Variants in IKZF2 observed in about 807,000 individuals in gnomAD.
IKZF2 encodes the protein zinc finger protein Helios.
In IKZF2, 15 loss-of-function variants were observed where a neutral mutation model predicts 49.2. The ratio of observed to expected loss-of-function variants is 0.30; its 90% CI spans 0.20 to 0.47. The LOEUF (loss-of-function observed/expected upper bound fraction) is 0.47. Ranked by LOEUF, IKZF2 falls within the 20% of genes least tolerant of loss-of-function variation. The pLI is 1.00. For synonymous variants in IKZF2, 227 were observed against 221.4 expected (o/e 1.03, Z -0.23); for missense variants, 567 against 664.6 (o/e 0.85, Z 1.61).
intron 4 of IKZF2, among the ~76,000 whole-genome samples, chr2:213,108,970 T>C (rs181696787): frequency 6.6e-6 from 1 of 152,188 alleles, no homozygotes; most frequent in Non-Finnish European, 1.5e-5. Flanking sequence ...ATATTTGAGA[T>C]CCTACTATAT....
chr2:213,064,472 T>C (rs544279927), intron 4 of IKZF2, among the ~76,000 whole-genome samples: 6 of 152,166 alleles, frequency 3.9e-5, no homozygotes, highest in African/African-American at 1.4e-4. Flanking sequence ...CTGATGATCC[T>C]GCACACTCCA....
chr2:213,012,391 G>C (rs1696060962), intron 8 of IKZF2, among the ~76,000 whole-genome samples: 1 of 151,688 alleles, frequency 6.6e-6, no homozygotes, highest in African/African-American at 2.4e-5. Flanking sequence ...AAGACAGAAA[G>C]AATAATAATA....
intron 4 of IKZF2, among the ~76,000 whole-genome samples, chr2:213,133,703 A>AAAATAAAT (rs145388709): frequency 0.28 from 41,042 of 145,166 alleles, 6,931 homozygotes; most frequent in Non-Finnish European, 0.38. Context: ...CCGTCTCGAA[A>AAAATAAAT]AAATAAATAA....
In IKZF2 at chr2:213,003,761, T is replaced by C. The variant is rs1021135101; in HGVS notation, c.*3599A>G. On this transcript the variant is annotated 3_prime_UTR_variant, in exon 9 of 9. Transcript: ENST00000434687. ...GGTTTTGTGAGTTGTACAACTGAGA[T>C]AAAAACTATAAAAACAAAATACCGG... The C allele has an allele frequency of 4.0e-5, 6 of 151,770 alleles. No individual in the cohort carries two copies. Among genetic ancestry groups the C allele is most frequent in the Admixed American group, 2.6e-4 (4 of 15,182 alleles). 9.4% of individuals were successfully genotyped at this position (151,770 alleles called of 1,614,324 possible). A position where few individuals can be genotyped will look rare whatever the true frequency, so the allele number is the denominator to read the frequency against.
At chr2:213,036,442 T>C (rs1182615914) in intron 6 of IKZF2, among the ~76,000 whole-genome samples, 2 of 152,280 alleles carry the variant, frequency 1.3e-5, no homozygotes, top group South Asian at 2.1e-4. Flanking sequence ...CTAATACTTA[T>C]CATGTACTAG....
intron 6 of IKZF2, among the ~76,000 whole-genome samples, chr2:213,031,518 G>C (rs1431654751): frequency 1.3e-5 from 2 of 152,146 alleles, no homozygotes; most frequent in South Asian, 4.1e-4. Context: ...ATTCAAACAA[G>C]AAAATGTCTT....
At chr2:213,090,372 TTA>T (rs1229290126) in intron 4 of IKZF2, among the ~76,000 whole-genome samples, 1 of 152,146 alleles carries the variant, frequency 6.6e-6, no homozygotes, top group Non-Finnish European at 1.5e-5. Context: ...GGTTCTGCCT[TTA>T]GGTTAAGTCC....
rs552356216 is a variant in IKZF2, at chr2:213,095,764, C to G, written c.140-38665G>C. The stretch of plus-strand genomic sequence containing the variant: ...CTAAGAAGCACACTTCACTATTTCA[C>G]TAGAACTAAAGAAAAATAAGTTATT... On this transcript the variant is annotated intron_variant, in intron 4 of 8. Coordinates refer to ENST00000434687, the MANE Select transcript of IKZF2 (RefSeq NM_001387220.1). Among the ~76,000 whole-genome samples the G allele has an allele frequency of 4.6e-5, 7 of 152,074 alleles. No homozygotes were observed. The South Asian group carries it at 1.5e-3, about 32-fold the overall frequency.
At chr2:213,055,561 C>T (rs1327098888) in intron 5 of IKZF2, among the ~76,000 whole-genome samples, 1 of 151,948 alleles carries the variant, frequency 6.6e-6, no homozygotes, top group Non-Finnish European at 1.5e-5. Flanking sequence ...TAATGTATAA[C>T]TTCTCACTGT....
intron 4 of IKZF2, among the ~76,000 whole-genome samples, chr2:213,111,364 G>A (rs139092982): frequency 2.0e-5 from 3 of 151,914 alleles, no homozygotes; most frequent in Non-Finnish European, 2.9e-5. Flanking sequence ...TTTTAAGTAC[G>A]CTTCTGCATG....
At chr2:213,102,415 G>C (rs766294558) in intron 4 of IKZF2, among the ~76,000 whole-genome samples, 33 of 152,230 alleles carry the variant, frequency 2.2e-4, no homozygotes, top group Non-Finnish European at 3.7e-4. Context: ...TACCATACAG[G>C]ACTTGTCCAT....
intron 7 of IKZF2, 131 bp downstream of exon 7, chr2:213,021,862 G>A: frequency 1.1e-6 from 1 of 920,094 alleles, no homozygotes; most frequent in East Asian, 2.7e-5. Flanking sequence ...TATTTGCAAT[G>A]TATCCCAAAG....
At chr2:213,021,683 G>T in intron 7 of IKZF2, 1 of 462,892 alleles carries the variant, frequency 2.2e-6, no homozygotes, top group South Asian at 1.7e-5. Flanking sequence ...CATTCTTTTA[G>T]GCAGCCTACA....
intron 4 of IKZF2, among the ~76,000 whole-genome samples, chr2:213,068,470 G>A (rs1437005912): frequency 1.3e-5 from 2 of 152,054 alleles, no homozygotes; most frequent in African/African-American, 4.8e-5. Flanking sequence ...TGAGGTTAAG[G>A]ATCTTAAGGT....
chr2:213,084,519 T>C (rs1370433191), intron 4 of IKZF2, among the ~76,000 whole-genome samples: 1 of 152,000 alleles, frequency 6.6e-6, no homozygotes, highest in Non-Finnish European at 1.5e-5. Context: ...ATATGAAATC[T>C]TACAGAAGTA....
chr2:213,106,952 T>C (rs1390576314), intron 4 of IKZF2, among the ~76,000 whole-genome samples: 1 of 152,144 alleles, frequency 6.6e-6, no homozygotes, highest in South Asian at 2.1e-4. Context: ...ATGCCACCCA[T>C]CAAGAAAGCC....
At chr2:213,143,403 T>A (rs980521281) in intron 4 of IKZF2, among the ~76,000 whole-genome samples, 1 of 152,072 alleles carries the variant, frequency 6.6e-6, no homozygotes, top group African/African-American at 2.4e-5. Context: ...CGGAATGAGG[T>A]GCAAAGAAAA....
At position 213,086,796 on chromosome 2, in the gene IKZF2, G is replaced by C. The variant is rs946795075; in HGVS notation, c.140-29697C>G. ...AGTTTAGTGTGGAATGGGAGTGGAGGGGGGAGGAAAAGAGGGCACCCTTCA... is the reference window on the plus strand; with the variant it reads ...AGTTTAGTGTGGAATGGGAGTGGAGCGGGGAGGAAAAGAGGGCACCCTTCA... On this transcript the variant is annotated intron_variant, in intron 4 of 8. Transcript: ENST00000434687. 2.6e-5 allele frequency among the ~76,000 whole-genome samples: 4 copies of C among 152,192 alleles called. No homozygotes were observed. The South Asian group carries it at 6.2e-4, about 24-fold the overall frequency.
At chr2:213,041,290 G>A (rs1168154610) in intron 6 of IKZF2, among the ~76,000 whole-genome samples, 1 of 149,374 alleles carries the variant, frequency 6.7e-6, no homozygotes, top group Non-Finnish European at 1.5e-5. Context: ...GTTTTTAAAA[G>A]TGCAGTTCAC....
Sources: gnomAD v4.1 joint callset for allele counts (sites outside exome capture counted in the v4.1 genomes callset) on GRCh38, gnomAD v4.1.1 for gene constraint, MANE v1.5 for transcripts, NCBI Gene and HGNC (gene_info 2026-07-23, HGNC 2026-07-21) for gene names.